Variants in MEGF10 observed in about 807,000 individuals in gnomAD.
The protein encoded by MEGF10 is multiple epidermal growth factor-like domains protein 10.
A neutral mutation model predicts 147.5 loss-of-function variants in MEGF10; 86 were observed. The ratio of observed to expected loss-of-function variants is 0.58; its 90% CI spans 0.49 to 0.70. MEGF10 has a LOEUF of 0.70. Among genes scored for constraint, MEGF10 ranks in the 30% least tolerant of loss-of-function variants. The pLI is 0.00. For synonymous variants in MEGF10, 478 were observed against 525.5 expected (o/e 0.91, Z 1.24); for missense variants, 1,329 against 1,487.3 (o/e 0.89, Z 1.75).
intron 1 of MEGF10, among the ~76,000 whole-genome samples, chr5:127,314,732 C>G (rs1193479755): frequency 6.6e-6 from 1 of 152,162 alleles, no homozygotes; most frequent in Admixed American, 6.5e-5. Flanking sequence ...AAAATATATT[C>G]CAGGCAGGAA....
chr5:127,349,659 G>A (rs1442651326), intron 4 of MEGF10, among the ~76,000 whole-genome samples: 2 of 150,586 alleles, frequency 1.3e-5, no homozygotes, highest in African/African-American at 4.9e-5. Flanking sequence ...CAGCCATATC[G>A]TAGCAGCATG....
At position 127,435,416 on chromosome 5, in the gene MEGF10, C is replaced by T; in HGVS notation, c.2031C>T (p.Asn677=). 6.2e-7 allele frequency: 1 copy of T among 1,614,152 alleles called. No homozygotes were observed. Among genetic ancestry groups the T allele is most frequent in the South Asian group, 1.1e-5 (1 of 91,070 alleles). ...KNCAGICTCT[N]NGTCNPIDRS... The stretch of plus-strand genomic sequence containing the variant: ...GTGCAGGAATTTGTACCTGCACCAA[C>T]AACGGAACCTGTAACCCCATTGACA... The change falls in exon 16 of 25, where the codon AAC becomes AAT. Residue 677 remains asparagine, a synonymous_variant. Transcript: ENST00000503335.
rs1173217783 is a variant in MEGF10 at position 127,340,579 on chromosome 5, C to A, written c.268C>A (p.Arg90Ser). ...ACATGGGGAGAAGACTATGTATAGG[C>A]GCAAGTCTCAGTGTTGTCCTGGATT... ...YRHGEKTMYR[R>S]KSQCCPGFYE... is the part of the protein sequence containing the mutation. Residue 90 changes from arginine (R) to serine (S), a missense_variant, in exon 4 of 25, where the codon CGC becomes AGC. Coordinates refer to ENST00000503335, the MANE Select transcript of MEGF10 (RefSeq NM_001256545.2). The A allele has an allele frequency of 2.9e-5, 47 of 1,612,776 alleles. No individual in the cohort carries two copies. The highest frequency in any genetic ancestry group is 3.9e-5 in the Non-Finnish European group (46 of 1,179,160).
intron 24 of MEGF10, among the ~76,000 whole-genome samples, chr5:127,456,170 C>T (rs1420745357): frequency 6.6e-6 from 1 of 152,110 alleles, no homozygotes. Context: ...ACAAATGGTT[C>T]AAGTGGATTA....
chr5:127,275,925 C>T, the MEGF10 span, among the ~76,000 whole-genome samples: 7 of 152,094 alleles, frequency 4.6e-5, no homozygotes, highest in East Asian at 1.4e-3. Flanking sequence ...TTTCACTCAC[C>T]AATTGGTTAG....
At chr5:127,329,654 T>C (rs1394610002) in intron 1 of MEGF10, among the ~76,000 whole-genome samples, 1 of 152,148 alleles carries the variant, frequency 6.6e-6, no homozygotes, top group Non-Finnish European at 1.5e-5. Context: ...CTTCTTAAAA[T>C]GCCAGCTCCC....
rs568157007 is a variant in MEGF10 at position 127,343,317 on chromosome 5, A to G, written c.319+2687A>G. ...TATTTGAAACAAGTTTCTTTTATGT[A>G]CTCAAGTAGCACCTTCAGGAGAGCA... On this transcript the variant is annotated intron_variant, in intron 4 of 24. Coordinates refer to ENST00000503335, the MANE Select transcript of MEGF10 (RefSeq NM_001256545.2). 6.6e-5 allele frequency among the ~76,000 whole-genome samples: 10 copies of G among 152,162 alleles called. No individual in the cohort carries two copies. The South Asian group carries it at 2.1e-3, about 32-fold the overall frequency.
chr5:127,285,460 C>A, the MEGF10 span, among the ~76,000 whole-genome samples: 1 of 152,006 alleles, frequency 6.6e-6, no homozygotes, highest in Non-Finnish European at 1.5e-5. Context: ...TCTATGTTAA[C>A]AGAGTGATAT....
chr5:127,253,507 A>G, the MEGF10 span, among the ~76,000 whole-genome samples: 2 of 152,162 alleles, frequency 1.3e-5, no homozygotes, highest in Non-Finnish European at 2.9e-5. Context: ...AAAGAAAATT[A>G]TAATACACAA....
rs1303267592 is a variant in MEGF10 at position 127,381,794 on chromosome 5, C to T, written c.412+11792C>T. ...CAAGTGATTCTCCTGCCTCAGCCTCCTGAGTAGCTGGGACTACAGGAGCCC... is the reference window on the plus strand; with the variant it reads ...CAAGTGATTCTCCTGCCTCAGCCTCTTGAGTAGCTGGGACTACAGGAGCCC... On this transcript the variant is annotated intron_variant, in intron 5 of 24. Coordinates refer to ENST00000503335, the MANE Select transcript of MEGF10 (RefSeq NM_001256545.2). 2.0e-5 allele frequency among the ~76,000 whole-genome samples: 3 copies of T among 152,202 alleles called. No individual in the cohort carries two copies. The East Asian group carries it at 5.8e-4, about 29-fold the overall frequency.
At chr5:127,402,896 A>C (rs1764186183) in intron 8 of MEGF10, among the ~76,000 whole-genome samples, 1 of 152,182 alleles carries the variant, frequency 6.6e-6, no homozygotes, top group Non-Finnish European at 1.5e-5. Context: ...AGATAACAGA[A>C]AAAGCACTAA....
At chr5:127,451,988 C>G (rs1169303343) in intron 22 of MEGF10, among the ~76,000 whole-genome samples, 2 of 152,148 alleles carry the variant, frequency 1.3e-5, no homozygotes, top group Non-Finnish European at 2.9e-5. Context: ...CCTCACTTAC[C>G]CTTGATTCGT....
chr5:127,349,326 T>G (rs1762006958), intron 4 of MEGF10, among the ~76,000 whole-genome samples: 1 of 152,186 alleles, frequency 6.6e-6, no homozygotes. Flanking sequence ...TCATTGAATT[T>G]CTTGATATTT....
chr5:127,406,840 T>A (rs1220966047), intron 8 of MEGF10, among the ~76,000 whole-genome samples: 1 of 152,140 alleles, frequency 6.6e-6, no homozygotes, highest in Non-Finnish European at 1.5e-5. Flanking sequence ...AAAAACACCT[T>A]CTGAAGGGGT....
the MEGF10 span, among the ~76,000 whole-genome samples, chr5:127,261,067 A>C: frequency 6.6e-6 from 1 of 152,156 alleles, no homozygotes; most frequent in African/African-American, 2.4e-5. Context: ...CTTCCTTTTC[A>C]TTTTTTAATA....
At chr5:127,448,892 G>A (rs546946833) in intron 21 of MEGF10, among the ~76,000 whole-genome samples, 1 of 151,718 alleles carries the variant, frequency 6.6e-6, no homozygotes, top group South Asian at 2.1e-4. Flanking sequence ...TTGAGGTGGT[G>A]GAGGGAGTAG....
At chr5:127,292,353 T>C (rs921864215) in intron 1 of MEGF10, among the ~76,000 whole-genome samples, 1 of 152,208 alleles carries the variant, frequency 6.6e-6, no homozygotes, top group Non-Finnish European at 1.5e-5. Flanking sequence ...GTTAAAGGGA[T>C]TAAGTAAGTT....
chr5:127,396,472 G>C (rs532395955), intron 5 of MEGF10, 60 bp from the exon 6 acceptor site: 1 of 1,479,396 alleles, frequency 6.8e-7, no homozygotes, highest in Non-Finnish European at 9.0e-7. Context: ...TCCCCGAGAG[G>C]CGAAGAAATC....
chr5:127,281,990 A>G, the MEGF10 span, among the ~76,000 whole-genome samples: 2 of 152,158 alleles, frequency 1.3e-5, no homozygotes, highest in Admixed American at 1.3e-4. Context: ...TCACCAAACA[A>G]TGGGAACAGA....
Sources: allele counts gnomAD v4.1 joint callset (sites outside exome capture counted in the v4.1 genomes callset), GRCh38; gene constraint gnomAD v4.1.1; transcripts MANE v1.5; gene names NCBI Gene and HGNC (gene_info 2026-07-23, HGNC 2026-07-21).